Variants in MAP2K6 observed in about 807,000 individuals in gnomAD.
MAP2K6 encodes the protein mitogen-activated protein kinase kinase 6, also known as dual specificity mitogen-activated protein kinase kinase 6.
A neutral mutation model predicts 53.7 loss-of-function variants in MAP2K6; 16 were observed. That is an observed-to-expected ratio of 0.30 (90% CI 0.20 to 0.45). The LOEUF (loss-of-function observed/expected upper bound fraction) is 0.45, where lower values mean the gene tolerates loss of function less well. MAP2K6 is among the 20% of genes least tolerant of loss of function. The pLI is 1.00. For synonymous variants in MAP2K6, 132 were observed against 143.1 expected (o/e 0.92, Z 0.55); for missense variants, 204 against 411.9 (o/e 0.50, Z 4.37).
At chr17:69,416,797 G>A (rs1018298105) in intron 1 of MAP2K6, among the ~76,000 whole-genome samples, 2 of 152,158 alleles carry the variant, frequency 1.3e-5, no homozygotes, top group Non-Finnish European at 2.9e-5. Flanking sequence ...TTATCTATTT[G>A]GGGGATAGTC....
intron 2 of MAP2K6, among the ~76,000 whole-genome samples, chr17:69,508,820 T>C (rs1909662832): frequency 6.6e-6 from 1 of 152,248 alleles, no homozygotes; most frequent in South Asian, 2.1e-4. Flanking sequence ...GCTTTATTTT[T>C]TTGGCCAGTG....
At chr17:69,437,273 A>G (rs1172268513) in intron 1 of MAP2K6, among the ~76,000 whole-genome samples, 3 of 152,218 alleles carry the variant, frequency 2.0e-5, no homozygotes, top group Admixed American at 2.0e-4. Context: ...CCTAAGCTAG[A>G]GCAAAGAAAA....
intron 1 of MAP2K6, among the ~76,000 whole-genome samples, chr17:69,415,341 T>C (rs946731100): frequency 6.6e-6 from 1 of 152,192 alleles, no homozygotes; most frequent in Admixed American, 6.5e-5. Context: ...TGCACAGATA[T>C]TGTAAGTAAT....
chr17:69,424,537 G>A (rs1464163145), intron 1 of MAP2K6, among the ~76,000 whole-genome samples: 3 of 152,160 alleles, frequency 2.0e-5, no homozygotes, highest in African/African-American at 7.2e-5. Context: ...TTACCAAACC[G>A]ATAGTGGCAG....
chr17:69,469,254 C>T (rs796457121), intron 1 of MAP2K6, among the ~76,000 whole-genome samples: 2 of 152,332 alleles, frequency 1.3e-5, no homozygotes, highest in African/African-American at 4.8e-5. Context: ...TCTAACCAAC[C>T]CCTCTACCTT....
At chr17:69,509,564 A>G (rs982364308) in intron 2 of MAP2K6, among the ~76,000 whole-genome samples, 1 of 152,178 alleles carries the variant, frequency 6.6e-6, no homozygotes, top group Non-Finnish European at 1.5e-5. Flanking sequence ...TGGCATCTGT[A>G]AATGGAGACT....
intron 1 of MAP2K6, 125 bp downstream of exon 1, chr17:69,415,125 A>G (rs1905856803): frequency 3.5e-6 from 3 of 861,438 alleles, no homozygotes; most frequent in Non-Finnish European, 5.7e-6. Context: ...GCTCAGTTGC[A>G]TTTCCTGTTT....
intron 1 of MAP2K6, among the ~76,000 whole-genome samples, chr17:69,487,013 C>T (rs1050232909): frequency 1.3e-5 from 2 of 152,182 alleles, no homozygotes; most frequent in African/African-American, 2.4e-5. Flanking sequence ...GTCTAGATCT[C>T]CCTGGATAGA....
chr17:69,450,701 A>AG (rs1024017668), intron 1 of MAP2K6, among the ~76,000 whole-genome samples: 4 of 144,010 alleles, frequency 2.8e-5, no homozygotes, highest in African/African-American at 1.0e-4. Flanking sequence ...AGTGGGGCCA[A>AG]TTTTTTTTTT....
intron 1 of MAP2K6, among the ~76,000 whole-genome samples, chr17:69,441,213 G>C (rs1428677039): frequency 6.6e-6 from 1 of 152,106 alleles, no homozygotes; most frequent in Non-Finnish European, 1.5e-5. Flanking sequence ...AAGATTGTAT[G>C]TCTTTGAATA....
intron 1 of MAP2K6, among the ~76,000 whole-genome samples, chr17:69,472,999 G>A (rs1466476918): frequency 1.3e-5 from 2 of 152,256 alleles, no homozygotes; most frequent in Admixed American, 6.5e-5. Context: ...GAGCCAATGC[G>A]CCTGGCCTAT....
At chr17:69,452,956 G>A (rs989749985) in intron 1 of MAP2K6, among the ~76,000 whole-genome samples, 1 of 152,144 alleles carries the variant, frequency 6.6e-6, no homozygotes, top group South Asian at 2.1e-4. Context: ...TCATTTGGCC[G>A]AAAGCTGGTT....
intron 1 of MAP2K6, among the ~76,000 whole-genome samples, chr17:69,478,108 A>G (rs937799288): frequency 6.6e-6 from 1 of 152,184 alleles, no homozygotes; most frequent in African/African-American, 2.4e-5. Context: ...CCTTATAGTT[A>G]TTTCTTAGGA....
chr17:69,505,022 G>A (rs376277475), intron 1 of MAP2K6, among the ~76,000 whole-genome samples: 9 of 150,718 alleles, frequency 6.0e-5, no homozygotes, highest in East Asian at 2.0e-4. Flanking sequence ...TTAACAGATC[G>A]ATTTAGAAAA....
At chr17:69,530,913 G>A (rs1911050770) in intron 10 of MAP2K6, among the ~76,000 whole-genome samples, 1 of 152,098 alleles carries the variant, frequency 6.6e-6, no homozygotes, top group African/African-American at 2.4e-5. Flanking sequence ...GGAAAGAATG[G>A]AAAAGTGATA....
At chr17:69,491,068 T>C (rs1908726178) in intron 1 of MAP2K6, among the ~76,000 whole-genome samples, 1 of 151,374 alleles carries the variant, frequency 6.6e-6, no homozygotes, top group African/African-American at 2.4e-5. Context: ...TTTTTATGGC[T>C]GCATAGTACT....
chr17:69,464,469 C>T (rs1287823297), intron 1 of MAP2K6, among the ~76,000 whole-genome samples: 2 of 152,128 alleles, frequency 1.3e-5, no homozygotes, highest in African/African-American at 2.4e-5. Flanking sequence ...TCAATCTCCA[C>T]CTCCCAGGTT....
At chr17:69,523,744 A>G in intron 8 of MAP2K6, 103 bp downstream of exon 8, 3 of 1,385,466 alleles carry the variant, frequency 2.2e-6, no homozygotes, top group Non-Finnish European at 2.0e-6. Flanking sequence ...AAATGTACCT[A>G]AGACTCCAGA....
chr17:69,536,914 C>T (rs1303614571), intron 11 of MAP2K6, among the ~76,000 whole-genome samples: 1 of 151,240 alleles, frequency 6.6e-6, no homozygotes, highest in Non-Finnish European at 1.5e-5. Flanking sequence ...AACCCCACCT[C>T]TACAAAAAGT....
Sources: gnomAD v4.1 joint callset for allele counts (sites outside exome capture counted in the v4.1 genomes callset) on GRCh38, gnomAD v4.1.1 for gene constraint, MANE v1.5 for transcripts, NCBI Gene and HGNC (gene_info 2026-07-23, HGNC 2026-07-21) for gene names.